Variants in MYH9 observed in about 807,000 individuals in gnomAD.
MYH9 encodes myosin-9.
A neutral mutation model predicts 241.9 loss-of-function variants in MYH9; 29 were observed. That is an observed-to-expected ratio of 0.12 (90% CI 0.09 to 0.16). The LOEUF is 0.16. MYH9 is among the 10% of genes least tolerant of loss of function. MYH9 has a pLI of 1.00. For synonymous variants in MYH9, 1,047 were observed against 1,062.6 expected (o/e 0.99, Z 0.29); for missense variants, 1,803 against 2,595.5 (o/e 0.69, Z 6.63).
intron 13 of MYH9, among the ~76,000 whole-genome samples, 173 bp from the exon 14 acceptor site, chr22:36,312,395 TG>T (rs1244569492): frequency 1.3e-5 from 2 of 152,118 alleles, no homozygotes; most frequent in Non-Finnish European, 2.9e-5. Context: ...AAGAAACCTC[TG>T]GGGCCCAGGC....
intron 15 of MYH9, chr22:36,308,914 A>G: frequency 1.1e-6 from 1 of 942,736 alleles, no homozygotes; most frequent in South Asian, 4.9e-5. Context: ...AAGGAAAAGG[A>G]GAAACCAACA....
At chr22:36,343,493 A>G (rs2017622113) in intron 2 of MYH9, among the ~76,000 whole-genome samples, 1 of 151,518 alleles carries the variant, frequency 6.6e-6, no homozygotes, top group Non-Finnish European at 1.5e-5. Flanking sequence ...GGTTGCAGTA[A>G]GCCATGATGG....
At chr22:36,299,450 C>T (rs1041886482) in intron 23 of MYH9, among the ~76,000 whole-genome samples, 10 of 152,232 alleles carry the variant, frequency 6.6e-5, no homozygotes, top group African/African-American at 2.4e-4. Flanking sequence ...TCCCCCTCTT[C>T]AGCCCCGCGG....
At position 36,288,826 on chromosome 22, in the gene MYH9, C is replaced by T. The variant is rs1204030046; in HGVS notation, c.4671G>A (p.Arg1557=). 6.2e-7 allele frequency: 1 copy of T among 1,613,620 alleles called. No individual in the cohort carries two copies. Among genetic ancestry groups the T allele is most frequent in the African/African-American group, 1.3e-5 (1 of 74,902 alleles). ...ELQATEDAKL[R]LEVNLQAMKA... ...TCATGGCCTGCAGGTTGACCTCCAA[C>T]CGCAGCTTGGCATCTTCGGTGGCCT... Residue 1557 remains arginine, a synonymous_variant, in exon 33 of 41, where the codon CGG becomes CGA. Coordinates refer to ENST00000216181, the MANE Select transcript of MYH9 (RefSeq NM_002473.6). The surrounding 1 kb of genome is among the most constrained non-coding windows in gnomAD (Gnocchi z 4.8).
intron 1 of MYH9, among the ~76,000 whole-genome samples, chr22:36,368,575 G>A (rs1289065182): frequency 6.6e-6 from 1 of 152,164 alleles, no homozygotes; most frequent in Non-Finnish European, 1.5e-5. Context: ...AGTAGCCCAG[G>A]GCCAAAGCAC....
chr22:36,335,236 C>T lies in MYH9; in HGVS notation c.490+6134G>A, dbSNP rs555635017. ...GTCTGTACACTCTCTGCAGAGTGCCCGGCACACACACAGTAGGTGCTCAGC... is the reference window on the plus strand; with the variant it reads ...GTCTGTACACTCTCTGCAGAGTGCCTGGCACACACACAGTAGGTGCTCAGC... On this transcript the variant is annotated intron_variant, in intron 3 of 40. Transcript: ENST00000216181. Among the ~76,000 whole-genome samples, 24 of 152,306 alleles carry T rather than the reference C, an allele frequency of 1.6e-4. No individual in the cohort carries two copies. The South Asian group carries it at 3.9e-3, about 25-fold the overall frequency.
At position 36,293,669 on chromosome 22, in the gene MYH9, G is replaced by A; in HGVS notation, c.3942+90C>T. 5 of 1,351,564 alleles carry A rather than the reference G, an allele frequency of 3.7e-6. No individual in the cohort carries two copies. Among genetic ancestry groups the A allele is most frequent in the Non-Finnish European group, 5.2e-6 (5 of 958,786 alleles). 83.7% of individuals were successfully genotyped at this position (1,351,564 alleles called of 1,614,324 possible). A position where few individuals can be genotyped will look rare whatever the true frequency, so the allele number is the denominator to read the frequency against. On this transcript the variant is annotated intron_variant, in intron 29 of 40. Transcript: ENST00000216181. This position sits in a 1 kb window ranked among gnomAD's most constrained non-coding sequence, Gnocchi z 5.1. ...ATGAAGCAGATGAAGGAGAGGATGG[G>A]CAATCCGATGGGCTCTGAAGCTAAT...
intron 9 of MYH9, 140 bp from the exon 10 acceptor site, chr22:36,319,775 C>T: frequency 1.2e-6 from 1 of 857,608 alleles, no homozygotes; most frequent in Non-Finnish European, 1.9e-6. Context: ...CACAGGGGCG[C>T]CAGGTCTGCG....
chr22:36,294,398 C>G, intron 27 of MYH9, 100 bp from the exon 28 acceptor site: 1 of 1,319,598 alleles, frequency 7.6e-7, no homozygotes, highest in Non-Finnish European at 1.1e-6. Context: ...GCTGCTTCTG[C>G]AGCCCTGACG....
chr22:36,322,407 G>A lies in MYH9; in HGVS notation c.705+22C>T, dbSNP rs374904852. ...GGCAAGGCCCTCTGTCCCCAGAGCC[G>A]GGGCGCCGCCGCGCTACTCACGAAG... On this transcript the variant is annotated intron_variant, in intron 6 of 40. Transcript: ENST00000216181. 1.9e-4 allele frequency: 313 copies of A among 1,612,416 alleles called. 3 individuals are homozygous for A. Among genetic ancestry groups the A allele is most frequent in the Admixed American group, 2.0e-4 (12 of 60,016 alleles).
chr22:36,348,090 T>TAA (rs10675371), intron 2 of MYH9, among the ~76,000 whole-genome samples: 86,919 of 146,764 alleles, frequency 0.59, 26,585 homozygotes, highest in African/African-American at 0.67. Flanking sequence ...TATTTTATTT[T>TAA]AAGATATTTT....
chr22:36,363,278 AGAACTCTCTAGAGGCAG>A (rs2017963742), intron 1 of MYH9, among the ~76,000 whole-genome samples: 2 of 152,210 alleles, frequency 1.3e-5, no homozygotes, highest in East Asian at 3.8e-4. Context: ...GCTGTCTCTT[AGAACTCTCTAGAGGCAG>A]GAACTGTCTC....
At chr22:36,317,223 C>A (rs2017171574) in intron 11 of MYH9, among the ~76,000 whole-genome samples, 1 of 152,132 alleles carries the variant, frequency 6.6e-6, no homozygotes, top group Non-Finnish European at 1.5e-5. Context: ...GCACGTGGGG[C>A]TCTTTACACT....
Position 36,296,949 on chromosome 22 carries a change from C to A in MYH9, c.3166G>T (p.Asp1056Tyr), listed in dbSNP as rs1343443370. The change falls in exon 25 of 41, where the codon GAC (aspartate) becomes TAC (tyrosine). Residue 1056 changes from aspartate to tyrosine, a missense_variant. Physicochemically the swap from Asp to Tyr is radical, Grantham distance 160. This residue lies in a region of MYH9 where 290 missense variants were observed against 360.5 expected (regional missense o/e 0.80). Transcript: ENST00000216181. ...ATCTGGTCGCTGAGGTCTGTGGAGT[C>A]TCCCTCCAGCTTCCGGCGGGTCTTC... ...LEKTRRKLEG[D>Y]STDLSDQIAE... 1 of 1,614,174 alleles carries A rather than the reference C, an allele frequency of 6.2e-7. No homozygotes were observed. Among genetic ancestry groups the A allele is most frequent in the Non-Finnish European group, 8.5e-7 (1 of 1,180,020 alleles).
intron 1 of MYH9, among the ~76,000 whole-genome samples, chr22:36,361,657 G>C (rs535463506): frequency 1.3e-5 from 2 of 152,324 alleles, no homozygotes; most frequent in Admixed American, 1.3e-4. Flanking sequence ...AATAGCTTGG[G>C]ACAGGCTGGA....
chr22:36,325,604 G>A (rs1170253769), intron 5 of MYH9, among the ~76,000 whole-genome samples: 1 of 152,230 alleles, frequency 6.6e-6, no homozygotes, highest in South Asian at 2.1e-4. Context: ...CTGGCACGGC[G>A]GTGGCAGGTG....
rs541422523 is a variant in MYH9 at position 36,318,622 on chromosome 22, C to T, written c.1109-297G>A. On this transcript the variant is annotated intron_variant, in intron 10 of 40. Transcript: ENST00000216181. ...GAGAGGAAGGCGTCCTGGCTGGAGGCCACAGCGGCAGCAGTGGTTCCTCTG... is the reference window on the plus strand; with the variant it reads ...GAGAGGAAGGCGTCCTGGCTGGAGGTCACAGCGGCAGCAGTGGTTCCTCTG... Among the ~76,000 whole-genome samples the T allele has an allele frequency of 2.2e-4, 33 of 152,310 alleles. No individual in the cohort carries two copies. The South Asian group carries it at 6.4e-3, about 30-fold the overall frequency.
At position 36,286,824 on chromosome 22, in the gene MYH9, C is replaced by T. The variant is rs779135945; in HGVS notation, c.4955G>A (p.Arg1652His). 16 of 1,609,684 alleles carry T rather than the reference C, an allele frequency of 9.9e-6. No homozygotes were observed. The highest frequency in any genetic ancestry group is 4.0e-5 in the African/African-American group (3 of 74,922). Residue 1652 changes from arginine (R) to histidine (H), a missense_variant, in exon 35 of 41, where the codon CGC becomes CAC. Transcript: ENST00000216181. ...AGAGGCGCGGGTGTCATCCAGCTCG[C>T]GCATGCAGTCCTTCATCTGGGCCTG... ...KLQAQMKDCM[R>H]ELDDTRASRE...
rs202104292 is a variant in MYH9, at chr22:36,300,110, A to C, written c.2976+17T>G. On this transcript the variant is annotated intron_variant, in intron 23 of 40. Coordinates refer to ENST00000216181, the MANE Select transcript of MYH9 (RefSeq NM_002473.6). This position sits in a 1 kb window ranked among gnomAD's most constrained non-coding sequence, Gnocchi z 5.0. The stretch of plus-strand genomic sequence containing the variant: ...GGCGCCCCTGGAGCAGCGGCAGGCG[A>C]CAGCCACGGGCCTCACCTTGGCCAG... 3 of 1,608,628 alleles carry C rather than the reference A, an allele frequency of 1.9e-6. No homozygotes were observed.
Sources: gnomAD v4.1 joint callset for allele counts (sites outside exome capture counted in the v4.1 genomes callset) on GRCh38, gnomAD v4.1.1 for gene constraint, gnomAD v4.1.1 regional missense constraint, Gnocchi (gnomAD v3.1) non-coding constraint, MANE v1.5 for transcripts, NCBI Gene and HGNC (gene_info 2026-07-23, HGNC 2026-07-21) for gene names.